Variants in FAM193A observed in about 807,000 individuals in gnomAD.
FAM193A encodes the protein family with sequence similarity 193 member A.
FAM193A carries 22 observed loss-of-function variants against 126.5 expected under a neutral mutation model. The ratio of observed to expected loss-of-function variants is 0.17; its 90% confidence interval spans 0.12 to 0.25. The LOEUF (loss-of-function observed/expected upper bound fraction) is 0.25, where lower values mean the gene tolerates loss of function less well. Among genes scored for constraint, FAM193A ranks in the 10% least tolerant of loss-of-function variants. FAM193A has a pLI of 1.00. For synonymous variants in FAM193A, 761 were observed against 646.8 expected, an observed-to-expected ratio of 1.18 and a Z score of -2.68; for missense variants, 1,675 against 1,672.8, an observed-to-expected ratio of 1.00 and a Z score of -0.02.
intron 2 of FAM193A, among the ~76,000 whole-genome samples, chr4:2,609,770 A>ATTT (rs1741751146): frequency 6.6e-6 from 1 of 152,096 alleles, no homozygotes; most frequent in Non-Finnish European, 1.5e-5. Context: ...TCTACTAAAA[A>ATTT]TATAAAAAAT....
At chr4:2,551,524 A>G (rs1737920621) in intron 1 of FAM193A, among the ~76,000 whole-genome samples, 2 of 152,194 alleles carry the variant, frequency 1.3e-5, no homozygotes, top group South Asian at 4.1e-4. Flanking sequence ...TTTTCAAGGA[A>G]TTGGTTCATT....
intron 1 of FAM193A, among the ~76,000 whole-genome samples, chr4:2,560,274 T>C (rs1056990043): frequency 2.0e-5 from 3 of 152,170 alleles, no homozygotes; most frequent in Middle Eastern, 3.2e-3. Context: ...TGAGTTCTTC[T>C]GTCTTTGCCT....
intron 1 of FAM193A, among the ~76,000 whole-genome samples, chr4:2,565,839 T>C (rs187322775): frequency 1.3e-5 from 2 of 152,300 alleles, no homozygotes; most frequent in Non-Finnish European, 2.9e-5. Flanking sequence ...GCTGGCTATC[T>C]TTTGGCAAAG....
intron 2 of FAM193A, among the ~76,000 whole-genome samples, chr4:2,599,879 G>A (rs1200131076): frequency 6.6e-6 from 1 of 151,894 alleles, no homozygotes; most frequent in African/African-American, 2.4e-5. Flanking sequence ...GGGACTATAG[G>A]CATGCGCCAT....
At chr4:2,718,125 G>C (rs1370346776) in intron 20 of FAM193A, among the ~76,000 whole-genome samples, 2 of 152,004 alleles carry the variant, frequency 1.3e-5, no homozygotes, top group Non-Finnish European at 2.9e-5. Flanking sequence ...TTTCACTTGA[G>C]AAATTAGGAA....
At chr4:2,680,427 C>T (rs912109957) in intron 13 of FAM193A, among the ~76,000 whole-genome samples, 2 of 152,090 alleles carry the variant, frequency 1.3e-5, no homozygotes, top group Non-Finnish European at 2.9e-5. Flanking sequence ...CTCAAGCATT[C>T]CTCCTCCCTT....
At chr4:2,679,375 CTTTTTTTTTT>C (rs796366785) in intron 13 of FAM193A, among the ~76,000 whole-genome samples, 1 of 87,848 alleles carries the variant, frequency 1.1e-5, no homozygotes, top group Non-Finnish European at 2.3e-5. Context: ...AGTTTTCTTT[CTTTTTTTTTT>C]TTTTTTTTTT....
At chr4:2,657,996 A>G (rs749967223) in intron 8 of FAM193A, 116 bp downstream of exon 8, 23 of 728,958 alleles carry the variant, frequency 3.2e-5, no homozygotes, top group Non-Finnish European at 4.7e-5. Context: ...CCACATTGGC[A>G]TGTTTTGCCA....
At chr4:2,573,503 ACT>A (rs994055248) in intron 1 of FAM193A, among the ~76,000 whole-genome samples, 4 of 146,636 alleles carry the variant, frequency 2.7e-5, no homozygotes, top group Admixed American at 6.8e-5. Context: ...ACAGAGTGAA[ACT>A]CTGTCTTCAA....
chr4:2,615,383 C>T (rs1233669363), intron 2 of FAM193A, among the ~76,000 whole-genome samples: 3 of 152,136 alleles, frequency 2.0e-5, no homozygotes, highest in African/African-American at 7.2e-5. Context: ...CTATAAATCT[C>T]TGTCTAAGCA....
Position 2,693,946 on chromosome 4 carries a change from C to T in FAM193A, c.3092+72C>T, listed in dbSNP as rs968464902. On this transcript the variant is annotated intron_variant, in intron 16 of 20. Transcript: ENST00000637812. ...GTGTTATGCCTCACTAACACAGCTA[C>T]AGAAACTCCCCTGGGACCATGCAGT... 19 of 1,459,954 alleles carry T rather than the reference C, an allele frequency of 1.3e-5. No individual in the cohort carries two copies. In the African/African-American group the frequency reaches 2.6e-4, roughly 20 times the overall value. 90.4% of individuals were successfully genotyped at this position (1,459,954 alleles called of 1,614,324 possible).
At chr4:2,702,550 G>A (rs1039648325) in intron 19 of FAM193A, among the ~76,000 whole-genome samples, 1 of 152,138 alleles carries the variant, frequency 6.6e-6, no homozygotes, top group Non-Finnish European at 1.5e-5. Context: ...GTGCACACGA[G>A]CGCCTGCCAC....
At chr4:2,674,663 T>C (rs1490579629) in intron 13 of FAM193A, among the ~76,000 whole-genome samples, 1 of 152,154 alleles carries the variant, frequency 6.6e-6, no homozygotes, top group Non-Finnish European at 1.5e-5. Flanking sequence ...GCTTTGTGGG[T>C]AAATATTTAG....
At chr4:2,548,297 C>T (rs1737694890) in intron 1 of FAM193A, among the ~76,000 whole-genome samples, 1 of 151,448 alleles carries the variant, frequency 6.6e-6, no homozygotes, top group South Asian at 2.1e-4. Context: ...TCTTGAACTC[C>T]TGACCTCAGA....
At chr4:2,573,079 CAG>C (rs1433747420) in intron 1 of FAM193A, among the ~76,000 whole-genome samples, 3 of 152,102 alleles carry the variant, frequency 2.0e-5, no homozygotes, top group Non-Finnish European at 4.4e-5. Flanking sequence ...TTGGTTGACT[CAG>C]TGTCAGATAA....
chr4:2,627,937 T>C (rs1054813169), intron 4 of FAM193A, among the ~76,000 whole-genome samples: 1 of 152,070 alleles, frequency 6.6e-6, no homozygotes, highest in Non-Finnish European at 1.5e-5. Flanking sequence ...AGAGATGGGG[T>C]TTCACCATGT....
Position 2,689,694 on chromosome 4 carries a change from T to A in FAM193A, c.2520T>A (p.Asp840Glu), listed in dbSNP as rs769169373. ...KNWNPGTFLP[D>E]TISGSEILGP... ...GGAATCCTGGCACTTTCTTGCCAGA[T>A]ACAATTTCTGGTAAGGAATTTGTTA... Residue 840 changes from aspartate (D) to glutamate (E), a missense_variant, in exon 14 of 21, where the codon GAT (aspartate) becomes GAA (glutamate). By Grantham distance (45) the Asp-to-Glu change is conservative (BLOSUM62 2). Transcript: ENST00000637812. 6.4e-7 allele frequency: 1 copy of A among 1,567,710 alleles called. No homozygotes were observed. The highest frequency in any genetic ancestry group is 1.2e-5 in the South Asian group (1 of 82,696).
At chr4:2,585,797 G>A (rs1446619379) in intron 1 of FAM193A, among the ~76,000 whole-genome samples, 1 of 152,062 alleles carries the variant, frequency 6.6e-6, no homozygotes, top group Non-Finnish European at 1.5e-5. Flanking sequence ...GTGTGGTGGC[G>A]GGCACCTGTA....
At chr4:2,728,527 C>T (rs980291097) in intron 20 of FAM193A, among the ~76,000 whole-genome samples, 2 of 152,090 alleles carry the variant, frequency 1.3e-5, no homozygotes, top group Admixed American at 1.3e-4. Flanking sequence ...ACAGATGTGG[C>T]TTGCACCCTA....
Sources: gnomAD v4.1 joint callset for allele counts (sites outside exome capture counted in the v4.1 genomes callset) on GRCh38, gnomAD v4.1.1 for gene constraint, MANE v1.5 for transcripts, NCBI Gene and HGNC (gene_info 2026-07-23, HGNC 2026-07-21) for gene names.